The following FAT3 variants were observed in gnomAD, a reference collection of about 807,000 sequenced individuals.
FAT3 encodes protocadherin Fat 3.
In FAT3, 95 loss-of-function variants were observed where a neutral mutation model predicts 310.2. The observed-to-expected ratio is 0.31, with a 90% CI of 0.26 to 0.36. The LOEUF is 0.36. FAT3 is among the 10% of genes least tolerant of loss of function. The pLI, the probability that FAT3 is intolerant of heterozygous loss-of-function variation, is 1.00. For missense variants in FAT3, 5,408 were observed against 5,715.6 expected, an observed-to-expected ratio of 0.95 and a Z score of 1.74; for synonymous variants, 2,314 against 2,192.9, an observed-to-expected ratio of 1.06 and a Z score of -1.54.
chr11:92,609,603 CA>C (rs1940468717), intron 3 of FAT3, among the ~76,000 whole-genome samples: 1 of 152,050 alleles, frequency 6.6e-6, no homozygotes, highest in Non-Finnish European at 1.5e-5. Flanking sequence ...ATTTTGGTAT[CA>C]AAGCAAGTTT....
intron 4 of FAT3, among the ~76,000 whole-genome samples, chr11:92,709,118 G>A (rs377753662): frequency 1.2e-4 from 19 of 152,244 alleles, no homozygotes; most frequent in Admixed American, 9.2e-4. Context: ...AATTTCCCCC[G>A]GCCAGCCATG....
intron 3 of FAT3, among the ~76,000 whole-genome samples, chr11:92,694,338 A>C (rs189550385): frequency 7.0e-4 from 107 of 152,332 alleles, no homozygotes; most frequent in Admixed American, 3.4e-3. Context: ...TGTAACCTGC[A>C]GAGGCTTTCC....
At chr11:92,819,303 T>C (rs1170179686) in intron 13 of FAT3, among the ~76,000 whole-genome samples, 2 of 152,190 alleles carry the variant, frequency 1.3e-5, no homozygotes, top group East Asian at 3.9e-4. Context: ...AAATGCAATT[T>C]CTGAATAAGA....
At chr11:92,242,886 A>T (rs1864724029) in intron 1 of FAT3, among the ~76,000 whole-genome samples, 1 of 151,872 alleles carries the variant, frequency 6.6e-6, no homozygotes, top group Admixed American at 6.6e-5. Context: ...GGCAATTCGT[A>T]TTTATCCAAG....
chr11:92,808,941 T>A (rs1049065384), intron 12 of FAT3, among the ~76,000 whole-genome samples: 11 of 151,846 alleles, frequency 7.2e-5, no homozygotes, highest in African/African-American at 1.9e-4. Flanking sequence ...AATAAATAAA[T>A]AAAATAAATA....
Position 92,783,294 on chromosome 11 carries a change from G to A in FAT3, c.4336-6649G>A, listed in dbSNP as rs536181788. On this transcript the variant is annotated intron_variant, in intron 7 of 27. Coordinates refer to ENST00000525166, the MANE Select transcript of FAT3 (RefSeq NM_001367949.2). Reference sequence around the variant, plus strand: ...AATCACTTGAATCTGGGAGGCAGAGGTTGCAGTAAGCCAAGACCACGCCAT... The same window carrying A: ...AATCACTTGAATCTGGGAGGCAGAGATTGCAGTAAGCCAAGACCACGCCAT... Among the ~76,000 whole-genome samples the A allele has an allele frequency of 4.7e-3, 637 of 134,964 alleles. 3 individuals are homozygous for A. The highest frequency in any genetic ancestry group is 6.9e-3 in the Non-Finnish European group (453 of 65,230). 88.5% of individuals were successfully genotyped at this position (134,964 alleles called of 152,430 possible).
chr11:92,366,515 T>C (rs1285540136), intron 2 of FAT3: 1 of 478,030 alleles, frequency 2.1e-6, no homozygotes, highest in African/African-American at 2.0e-5. Context: ...GGCCTTACCC[T>C]CGGCAGCCGC....
chr11:92,896,335 AC>A lies in FAT3; in HGVS notation c.*5223del, dbSNP rs1235196059. On this transcript the variant is annotated 3_prime_UTR_variant, in exon 28 of 28. Coordinates refer to ENST00000525166, the MANE Select transcript of FAT3 (RefSeq NM_001367949.2). ...AAAAAGAAAAGAAAAGAAAAAAAAA[AC>A]AAAAGCAAACAAAAAAAAAGACAGC... 3 of 151,814 alleles carry A rather than the reference AC, an allele frequency of 2.0e-5. No individual in the cohort carries two copies. Among genetic ancestry groups the A allele is most frequent in the Non-Finnish European group, 4.4e-5 (3 of 67,948 alleles). 9.4% of individuals were successfully genotyped at this position (151,814 alleles called of 1,614,324 possible). A position where few individuals can be genotyped will look rare whatever the true frequency, so the allele number is the denominator to read the frequency against.
chr11:92,271,406 A>G (rs947539773), intron 1 of FAT3, among the ~76,000 whole-genome samples: 3 of 152,064 alleles, frequency 2.0e-5, no homozygotes, highest in African/African-American at 7.2e-5. Flanking sequence ...CCAAGCAGCC[A>G]TTCCTGACCA....
intron 1 of FAT3, among the ~76,000 whole-genome samples, chr11:92,307,827 A>G (rs1291210970): frequency 1.3e-5 from 2 of 152,190 alleles, no homozygotes; most frequent in African/African-American, 2.4e-5. Flanking sequence ...TTGCCTAAAA[A>G]TTATTTAAAC....
intron 1 of FAT3, among the ~76,000 whole-genome samples, chr11:92,350,087 G>A (rs1591149356): frequency 6.6e-6 from 1 of 151,896 alleles, no homozygotes; most frequent in East Asian, 1.9e-4. Context: ...AGTTTCCACA[G>A]TTTCATGACT....
intron 1 of FAT3, among the ~76,000 whole-genome samples, chr11:92,266,425 G>T (rs1165139715): frequency 6.6e-6 from 1 of 152,146 alleles, no homozygotes; most frequent in Non-Finnish European, 1.5e-5. Context: ...CATTAGGGAG[G>T]CATATTGAGC....
At chr11:92,333,233 A>G (rs961187229) in intron 1 of FAT3, among the ~76,000 whole-genome samples, 15 of 152,224 alleles carry the variant, frequency 9.9e-5, no homozygotes, top group Admixed American at 3.3e-4. Flanking sequence ...CTGCTTTGCA[A>G]TTCCACATGT....
chr11:92,286,791 G>A (rs1473034199), intron 1 of FAT3, among the ~76,000 whole-genome samples: 1 of 152,170 alleles, frequency 6.6e-6, no homozygotes, highest in East Asian at 1.9e-4. Flanking sequence ...ACTCCTGGTA[G>A]TTTAGACTGC....
intron 3 of FAT3, among the ~76,000 whole-genome samples, chr11:92,605,111 T>G (rs1363869749): frequency 6.6e-6 from 1 of 152,222 alleles, no homozygotes; most frequent in Non-Finnish European, 1.5e-5. Flanking sequence ...TCCCTCCTCC[T>G]GCACTTAGAA....
At chr11:92,619,659 T>C (rs1940991000) in intron 3 of FAT3, among the ~76,000 whole-genome samples, 1 of 152,126 alleles carries the variant, frequency 6.6e-6, no homozygotes, top group African/African-American at 2.4e-5. Flanking sequence ...ATATAGTTAT[T>C]CATAATATGT....
intron 2 of FAT3, among the ~76,000 whole-genome samples, chr11:92,373,240 G>T (rs1434022917): frequency 2.0e-5 from 3 of 152,164 alleles, no homozygotes; most frequent in African/African-American, 7.2e-5. Flanking sequence ...TAGATACTCT[G>T]TAAGTTGTTT....
chr11:92,344,194 T>G (rs1380381893), intron 1 of FAT3, among the ~76,000 whole-genome samples: 2 of 152,190 alleles, frequency 1.3e-5, no homozygotes, highest in African/African-American at 2.4e-5. Context: ...AATGTCTCAC[T>G]TATCCACTGC....
At chr11:92,447,054 C>A (rs1951228835) in intron 2 of FAT3, among the ~76,000 whole-genome samples, 1 of 151,820 alleles carries the variant, frequency 6.6e-6, no homozygotes, top group African/African-American at 2.4e-5. Context: ...AGTTCACATA[C>A]TACAGAACAA....
Sources: allele counts gnomAD v4.1 joint callset (sites outside exome capture counted in the v4.1 genomes callset), GRCh38; gene constraint gnomAD v4.1.1; transcripts MANE v1.5; gene names NCBI Gene and HGNC (gene_info 2026-07-23, HGNC 2026-07-21).